Variants in SLITRK2 observed in about 807,000 individuals in gnomAD.
SLITRK2 encodes SLIT and NTRK-like protein 2.
In SLITRK2, 13 loss-of-function variants were observed where a neutral mutation model predicts 35.4. The ratio of observed to expected loss-of-function variants is 0.37; its 90% CI spans 0.24 to 0.58. The LOEUF (loss-of-function observed/expected upper bound fraction) is 0.58. Ranked by LOEUF, SLITRK2 falls within the 20% of genes least tolerant of loss-of-function variation. The probability of loss-of-function intolerance (pLI) is 0.75; values close to 1 mark genes in which losing one functional copy is unlikely to be tolerated. For missense variants in SLITRK2, 471 were observed against 634.3 expected, an observed-to-expected ratio of 0.74 and a Z score of 2.76; for synonymous variants, 294 against 264.7, an observed-to-expected ratio of 1.11 and a Z score of -1.07.
Position 145,824,673 on chromosome X carries a change from A to G in SLITRK2, c.2248A>G (p.Arg750Gly). 8.3e-7 allele frequency: 1 copy of G among 1,211,701 alleles called. No individual in the cohort carries two copies. The highest frequency in any genetic ancestry group is 3.0e-5 in the East Asian group (1 of 33,811). Reference sequence around the variant, plus strand: ...GCTGCTAGAAAAGCAGGCCACACCAAGAGAGCCTGAGCTGCTGTATCAAAA... The same window carrying G: ...GCTGCTAGAAAAGCAGGCCACACCAGGAGAGCCTGAGCTGCTGTATCAAAA... ...TELLEKQATP[R>G]EPELLYQNIA... is the part of the protein sequence containing the mutation. Residue 750 changes from arginine to glycine, a missense_variant, in exon 5 of 5, where the codon AGA becomes GGA. Coordinates refer to ENST00000335565, the MANE Select transcript of SLITRK2 (RefSeq NM_032539.5).
At chrX:145,822,179 G>A in intron 4 of SLITRK2, 26 bp downstream of exon 4, 1 of 361,606 alleles carries the variant, frequency 2.8e-6, no homozygotes, top group East Asian at 4.6e-5. Flanking sequence ...TTCCCGGGGC[G>A]CGTGTGTGGG....
In SLITRK2 at chrX:145,825,958, T is replaced by A. The variant is rs1421372646; in HGVS notation, c.*995T>A. 8.6e-6 allele frequency: 1 copy of A among 115,876 alleles called. No individual in the cohort carries two copies. The highest frequency in any genetic ancestry group is 1.9e-5 in the Non-Finnish European group (1 of 53,243). The allele number at this position is 115,876 out of a possible 1,213,427, so 9.5% of individuals were successfully genotyped here. A position where few individuals can be genotyped will look rare whatever the true frequency, so the allele number is the denominator to read the frequency against. ...AGAACGTGACACAGCTAGTAATATA[T>A]TTTTCTGCATTGAATTAGATATTTT... is the stretch of plus-strand genomic sequence containing the variant. On this transcript the variant is annotated 3_prime_UTR_variant, in exon 5 of 5. Transcript: ENST00000335565.
rs2124167091 is a variant in SLITRK2, at chrX:145,823,168, G to T, written c.743G>T (p.Arg248Met). 8.3e-7 allele frequency: 1 copy of T among 1,211,242 alleles called. No homozygotes were observed. The highest frequency in any genetic ancestry group is 1.1e-6 in the Non-Finnish European group (1 of 895,438). ...GAGATTGTCTGTGAGACTCCCTTTAGGTTGCATGGGAAAGACGTGACCCAG... is the reference window on the plus strand; with the variant it reads ...GAGATTGTCTGTGAGACTCCCTTTATGTTGCATGGGAAAGACGTGACCCAG... ...VGEIVCETPF[R>M]LHGKDVTQLT... The change falls in exon 5 of 5, where the codon AGG (arginine) becomes ATG (methionine). Residue 248 changes from arginine (R) to methionine (M), a missense_variant. Arg to Met is a moderately conservative substitution (Grantham distance 91). Transcript: ENST00000335565.
rs2124184232 is a variant in SLITRK2, at chrX:145,823,797, G to A, written c.1372G>A (p.Val458Ile). The change falls in exon 5 of 5, where the codon GTC becomes ATC. Residue 458 changes from valine to isoleucine, a missense_variant. By Grantham distance (29) the Val-to-Ile change is conservative (BLOSUM62 3). Around this residue, in one of 7 missense-constraint regions of SLITRK2, gnomAD observed 92 missense variants for 184.2 expected, o/e 0.50. Transcript: ENST00000335565. The part of the protein sequence containing the change: ...SLQYLYLEYN[V>I]IKEIKPLTFD... ...GCAATATCTCTATTTAGAGTATAAT[G>A]TCATTAAGGAAATTAAGCCTCTGAC... is the stretch of plus-strand genomic sequence containing the variant. The A allele has an allele frequency of 8.3e-7, 1 of 1,210,077 alleles. No homozygotes were observed. Among genetic ancestry groups the A allele is most frequent in the Non-Finnish European group, 1.1e-6 (1 of 894,408 alleles).
chrX:145,820,674 T>C (rs1345573309), intron 2 of SLITRK2, 138 bp downstream of exon 2: 1 of 111,925 alleles, frequency 8.9e-6, no homozygotes, highest in African/African-American at 3.3e-5. Flanking sequence ...TTCCTTTGGC[T>C]CCCACTCCCA....
At chrX:145,819,500 C>T (rs1158646671) in intron 1 of SLITRK2, 4 of 112,043 alleles carry the variant, frequency 3.6e-5, no homozygotes, top group Admixed American at 9.4e-5. Context: ...AGGTCTTGTT[C>T]GGCTCTCACG....
Position 145,828,886 on chromosome X carries a change from A to G in SLITRK2, c.*3923A>G, listed in dbSNP as rs1353468245. On this transcript the variant is annotated 3_prime_UTR_variant, in exon 5 of 5. Transcript: ENST00000335565. ...ATATAATAAAACATTTGTTTTTGCA[A>G]AATAAGGCCCAATGTTATGGCCTAA... is the stretch of plus-strand genomic sequence containing the variant. The G allele has an allele frequency of 8.1e-6, 1 of 123,540 alleles. No homozygotes were observed. Among genetic ancestry groups the G allele is most frequent in the Non-Finnish European group, 1.9e-5 (1 of 53,309 alleles). The allele number at this position is 123,540 out of a possible 1,213,427, so 10.2% of individuals were successfully genotyped here.
In SLITRK2 at chrX:145,823,148, T is replaced by A. The variant is rs1371952287; in HGVS notation, c.723T>A (p.Ile241=). 8.3e-7 allele frequency: 1 copy of A among 1,209,485 alleles called. No homozygotes were observed. The highest frequency in any genetic ancestry group is 1.1e-6 in the Non-Finnish European group (1 of 895,155). ...LDTITVFVGE[I]VCETPFRLHG... ...CCATAACTGTTTTTGTGGGAGAGAT[T>A]GTCTGTGAGACTCCCTTTAGGTTGC... Residue 241 remains isoleucine, a synonymous_variant, in exon 5 of 5, where the codon ATT becomes ATA. Transcript: ENST00000335565.
Position 145,823,423 on chromosome X carries a change from A to G in SLITRK2, c.998A>G (p.Lys333Arg), listed in dbSNP as rs1276322051. ...GGACCCATCATGGTGTACCAGACCA[A>G]GTCTCCTGTGCCTCTCACCTGTCCC... ...SFGPIMVYQT[K>R]SPVPLTCPSS... is the part of the protein sequence containing the mutation. The change falls in exon 5 of 5, where the codon AAG (lysine) becomes AGG (arginine). Residue 333 changes from lysine (K) to arginine (R), a missense_variant. Around this residue, in one of 7 missense-constraint regions of SLITRK2, gnomAD observed 92 missense variants for 184.2 expected, o/e 0.50. Coordinates refer to ENST00000335565, the MANE Select transcript of SLITRK2 (RefSeq NM_032539.5). The G allele has an allele frequency of 8.3e-7, 1 of 1,209,756 alleles. No homozygotes were observed. Among genetic ancestry groups the G allele is most frequent in the Non-Finnish European group, 1.1e-6 (1 of 894,912 alleles).
chrX:145,822,385 T>G lies in SLITRK2; in HGVS notation c.-41T>G, dbSNP rs1556943616. 1.7e-6 allele frequency: 2 copies of G among 1,150,407 alleles called. No individual in the cohort carries two copies. Among genetic ancestry groups the G allele is most frequent in the Admixed American group, 4.9e-5 (2 of 40,549 alleles). The allele number at this position is 1,150,407 out of a possible 1,213,427, so 94.8% of individuals were successfully genotyped here. On this transcript the variant is annotated splice_region_variant and 5_prime_UTR_variant, in exon 5 of 5. Coordinates refer to ENST00000335565, the MANE Select transcript of SLITRK2 (RefSeq NM_032539.5). ...TCTTCCCCCTGCCCCCACCTAAGGT[T>G]TGCCTGTAGGTACCTGAGTTGACAC...
At chrX:145,818,308 AG>A (rs1451872984) in intron 1 of SLITRK2, 1 of 112,909 alleles carries the variant, frequency 8.9e-6, no homozygotes, top group Non-Finnish European at 1.9e-5. Flanking sequence ...GGCGCGAGCT[AG>A]AAGCCTCCGG....
chrX:145,821,293 G>T (rs2073010924), intron 2 of SLITRK2, 55 bp from the exon 3 acceptor site: 1 of 109,178 alleles, frequency 9.2e-6, no homozygotes, highest in African/African-American at 3.3e-5. Flanking sequence ...CAGGCCATTA[G>T]CAGGGCCCCT....
chrX:145,820,981 G>A (rs1556942918), intron 2 of SLITRK2: 1 of 108,507 alleles, frequency 9.2e-6, no homozygotes, highest in East Asian at 2.9e-4. Context: ...AGACACATTG[G>A]TGCATGCACA....
rs782547406 is a variant in SLITRK2, at chrX:145,822,601, C to T, written c.176C>T (p.Pro59Leu). 3.3e-6 allele frequency: 4 copies of T among 1,211,177 alleles called. No individual in the cohort carries two copies. Among genetic ancestry groups the T allele is most frequent in the Admixed American group, 2.2e-5 (1 of 46,083 alleles). The change falls in exon 5 of 5, where the codon CCC becomes CTC. Residue 59 changes from proline to leucine, a missense_variant. Around this residue, in one of 7 missense-constraint regions of SLITRK2, gnomAD observed 98 missense variants for 120.6 expected, o/e 0.81. Coordinates refer to ENST00000335565, the MANE Select transcript of SLITRK2 (RefSeq NM_032539.5). ...TTTACAACAGTTAGCCTGCTCCAGCCCCCCCAGTATCGAATCTATCAGCTT... is the reference window on the plus strand; with the variant it reads ...TTTACAACAGTTAGCCTGCTCCAGCTCCCCCAGTATCGAATCTATCAGCTT... ...KGFTTVSLLQPPQYRIYQLFL... is the reference protein window; with the variant it reads ...KGFTTVSLLQLPQYRIYQLFL...
At chrX:145,819,464 C>A (rs1467786006) in intron 1 of SLITRK2, 1 of 111,882 alleles carries the variant, frequency 8.9e-6, no homozygotes, top group Non-Finnish European at 1.9e-5. Flanking sequence ...GAAATGACCT[C>A]ATCTGTAAAA....
rs1172260534 is a variant in SLITRK2 at position 145,827,649 on chromosome X, G to A, written c.*2686G>A. 1 of 1,018,530 alleles carries A rather than the reference G, an allele frequency of 9.8e-7. No individual in the cohort carries two copies. The highest frequency in any genetic ancestry group is 1.3e-6 in the Non-Finnish European group (1 of 764,373). The allele number at this position is 1,018,530 out of a possible 1,213,427, so 83.9% of individuals were successfully genotyped here. On this transcript the variant is annotated 3_prime_UTR_variant, in exon 5 of 5. Transcript: ENST00000335565. ...TGCTTGTTACAGTTATACTTAATTT[G>A]CAGTAGATTTTTAAATGAAATTATT...
chrX:145,826,095 C>T lies in SLITRK2; in HGVS notation c.*1132C>T, dbSNP rs1173519106. On this transcript the variant is annotated 3_prime_UTR_variant, in exon 5 of 5. Transcript: ENST00000335565. Reference sequence around the variant, plus strand: ...ACACACCAGTAGAGGCCGCCACACACCTCATTTAACAAAGACATATGAGCC... The same window carrying T: ...ACACACCAGTAGAGGCCGCCACACATCTCATTTAACAAAGACATATGAGCC... The T allele has an allele frequency of 9.0e-6, 1 of 111,484 alleles. No individual in the cohort carries two copies. The highest frequency in any genetic ancestry group is 3.3e-5 in the African/African-American group (1 of 30,700). The allele number at this position is 111,484 out of a possible 1,213,427, so 9.2% of individuals were successfully genotyped here.
Position 145,824,559 on chromosome X carries a change from T to C in SLITRK2, c.2134T>C (p.Tyr712His). 1 of 1,210,091 alleles carries C rather than the reference T, an allele frequency of 8.3e-7. No homozygotes were observed. Among genetic ancestry groups the C allele is most frequent in the African/African-American group, 1.7e-5 (1 of 57,379 alleles). The change falls in exon 5 of 5, where the codon TAC becomes CAC. Residue 712 changes from tyrosine (Y) to histidine (H), a missense_variant. By Grantham distance (83) the Tyr-to-His change is moderately conservative. Coordinates refer to ENST00000335565, the MANE Select transcript of SLITRK2 (RefSeq NM_032539.5). ...MQKEGDPVAY[Y>H]RNLQEFSYSN... ...GAAGGAAGGAGACCCAGTAGCCTAT[T>C]ACCGAAACCTGCAAGAGTTCAGCTA... is the stretch of plus-strand genomic sequence containing the variant.
chrX:145,826,285 A>G lies in SLITRK2; in HGVS notation c.*1322A>G, dbSNP rs782132013. ...CTCAAGTTTAACACTTTCTGACAAA[A>G]CAGCATTTTCCTCTTGAGTTTAATT... On this transcript the variant is annotated 3_prime_UTR_variant, in exon 5 of 5. Transcript: ENST00000335565. 2.1e-4 allele frequency: 23 copies of G among 111,977 alleles called. No individual in the cohort carries two copies. Among genetic ancestry groups the G allele is most frequent in the Non-Finnish European group, 4.1e-4 (22 of 53,155 alleles). The allele number at this position is 111,977 out of a possible 1,213,427, so 9.2% of individuals were successfully genotyped here.
Sources: gnomAD v4.1 joint callset for allele counts on GRCh38, gnomAD v4.1.1 for gene constraint, gnomAD v4.1.1 regional missense constraint, MANE v1.5 for transcripts, NCBI Gene and HGNC (gene_info 2026-07-23, HGNC 2026-07-21) for gene names.